Variants in ALOX5 observed in about 807,000 individuals in gnomAD.
ALOX5 encodes polyunsaturated fatty acid 5-lipoxygenase.
A neutral mutation model predicts 87.9 loss-of-function variants in ALOX5; 64 were observed. The observed-to-expected ratio is 0.73, with a 90% CI of 0.60 to 0.90. The LOEUF is 0.90. Ranked by LOEUF, ALOX5 falls within the 40% of genes least tolerant of loss-of-function variation. The pLI is 0.00. For synonymous variants in ALOX5, 388 were observed against 355.1 expected (o/e 1.09, Z -1.04); for missense variants, 822 against 907.5 (o/e 0.91, Z 1.21).
intron 2 of ALOX5, among the ~76,000 whole-genome samples, chr10:45,382,885 C>T (rs1356488076): frequency 1.3e-5 from 2 of 152,208 alleles, no homozygotes; most frequent in African/African-American, 4.8e-5. Context: ...AGCGGGTGGC[C>T]CCAGGCCTCA....
In ALOX5 at chr10:45,375,156, A is replaced by G. The variant is rs550286567; in HGVS notation, c.150+727A>G. Among the ~76,000 whole-genome samples, 5 of 152,272 alleles carry G rather than the reference A, an allele frequency of 3.3e-5. No homozygotes were observed. In the South Asian group the frequency reaches 1.0e-3, roughly 32 times the overall value. ...GGGAAGGAACAGAACCCAGGCCAGG[A>G]GAGGCTTTTCCTAAATGGAGGGGCT... On this transcript the variant is annotated intron_variant, in intron 1 of 13. Coordinates refer to ENST00000374391, the MANE Select transcript of ALOX5 (RefSeq NM_000698.5).
intron 13 of ALOX5, chr10:45,444,540 C>T (rs922543232): frequency 2.9e-5 from 13 of 452,038 alleles, no homozygotes; most frequent in Middle Eastern, 5.6e-4. Context: ...TCGTGTGTGA[C>T]GCCCCCTCCC....
At position 45,425,202 on chromosome 10, in the gene ALOX5, C is replaced by T. The variant is rs1029173192; in HGVS notation, c.834+70C>T. ...CAGGTGGAAGCCAGTTCCTCCTGGCCAGTGCTCATAGGCCACCAAGACGCT... is the reference window on the plus strand; with the variant it reads ...CAGGTGGAAGCCAGTTCCTCCTGGCTAGTGCTCATAGGCCACCAAGACGCT... On this transcript the variant is annotated intron_variant, in intron 6 of 13. Transcript: ENST00000374391. The surrounding 1 kb of genome is among the most constrained non-coding windows in gnomAD (Gnocchi z 4.4). 1 of 1,523,388 alleles carries T rather than the reference C, an allele frequency of 6.6e-7. No homozygotes were observed. Among genetic ancestry groups the T allele is most frequent in the Non-Finnish European group, 8.9e-7 (1 of 1,129,690 alleles). 94.4% of individuals were successfully genotyped at this position (1,523,388 alleles called of 1,614,324 possible). A position where few individuals can be genotyped will look rare whatever the true frequency, so the allele number is the denominator to read the frequency against.
chr10:45,375,859 G>A (rs1339681604), intron 1 of ALOX5, among the ~76,000 whole-genome samples: 2 of 152,194 alleles, frequency 1.3e-5, no homozygotes, highest in Non-Finnish European at 2.9e-5. Context: ...TGAGGACTGC[G>A]GTGCCCTGGA....
chr10:45,445,579 C>T lies in ALOX5; in HGVS notation c.1917C>T (p.Arg639=). 6.2e-7 allele frequency: 1 copy of T among 1,614,158 alleles called. No individual in the cohort carries two copies. The highest frequency in any genetic ancestry group is 8.5e-7 in the Non-Finnish European group (1 of 1,180,026). Residue 639 remains arginine (R), a synonymous_variant, in exon 14 of 14, where the codon CGC becomes CGT. Transcript: ENST00000374391. Reference sequence around the variant, plus strand: ...TGAAGGAAGCCATGGCCCGATTCCGCAAGAACCTCGAGGCCATTGTCAGCG... The same window carrying T: ...TGAAGGAAGCCATGGCCCGATTCCGTAAGAACCTCGAGGCCATTGTCAGCG... ...KPVKEAMARF[R]KNLEAIVSVI... is the part of the protein sequence containing the mutation.
chr10:45,428,702 G>A lies in ALOX5; in HGVS notation c.919G>A (p.Ala307Thr), dbSNP rs773509478. ...KTDPCTLQFL[A>T]APICLLYKNL... is the part of the protein sequence containing the mutation. ...AGACCCCTGCACACTCCAGTTCCTG[G>A]CCGCTCCCATCTGCTTGCTGTATAA... Residue 307 changes from alanine to threonine, a missense_variant, in exon 7 of 14, where the codon GCC (alanine) becomes ACC (threonine). Coordinates refer to ENST00000374391, the MANE Select transcript of ALOX5 (RefSeq NM_000698.5). The A allele has an allele frequency of 2.5e-6, 4 of 1,614,066 alleles. No individual in the cohort carries two copies. In the Admixed American group the frequency reaches 5.0e-5, roughly 20 times the overall value.
chr10:45,418,445 A>T (rs1841377936), intron 4 of ALOX5, among the ~76,000 whole-genome samples: 1 of 152,190 alleles, frequency 6.6e-6, no homozygotes, highest in Non-Finnish European at 1.5e-5. Flanking sequence ...CCCTAAAGAC[A>T]GCCTTTGTCT....
intron 3 of ALOX5, among the ~76,000 whole-genome samples, chr10:45,407,046 C>T (rs896902508): frequency 2.0e-5 from 3 of 152,312 alleles, no homozygotes; most frequent in Admixed American, 6.5e-5. Context: ...TTAATTTCCT[C>T]AGAAGGTCCA....
chr10:45,406,683 G>GT (rs1840898495), intron 3 of ALOX5, among the ~76,000 whole-genome samples: 1 of 152,154 alleles, frequency 6.6e-6, no homozygotes, highest in African/African-American at 2.4e-5. Context: ...TAAATTACTT[G>GT]TTTCTTACAT....
intron 3 of ALOX5, among the ~76,000 whole-genome samples, chr10:45,400,122 A>G (rs917634043): frequency 1.3e-5 from 2 of 152,224 alleles, no homozygotes; most frequent in Admixed American, 6.5e-5. Context: ...TGACCCAGCA[A>G]TTCTACTCCT....
intron 1 of ALOX5, among the ~76,000 whole-genome samples, chr10:45,376,497 A>G (rs1588973154): frequency 1.3e-5 from 2 of 152,210 alleles, no homozygotes; most frequent in Non-Finnish European, 2.9e-5. Context: ...CCAGCTTGGT[A>G]TCTGTAAAGA....
Position 45,374,239 on chromosome 10 carries a change from C to T in ALOX5, c.-41C>T, listed in dbSNP as rs572817083. ...CTAGATGCGGACACCTGGACCGCCG[C>T]GCCGAGGCTCCCGGCGCTCGCTGCT... On this transcript the variant is annotated 5_prime_UTR_variant, in exon 1 of 14. Coordinates refer to ENST00000374391, the MANE Select transcript of ALOX5 (RefSeq NM_000698.5). 2.8e-6 allele frequency: 4 copies of T among 1,446,014 alleles called. No homozygotes were observed. In the South Asian group the frequency reaches 5.5e-5, roughly 20 times the overall value. 89.6% of individuals were successfully genotyped at this position (1,446,014 alleles called of 1,614,324 possible). A position where few individuals can be genotyped will look rare whatever the true frequency, so the allele number is the denominator to read the frequency against.
At chr10:45,381,889 A>C (rs889345111) in intron 1 of ALOX5, among the ~76,000 whole-genome samples, 1 of 152,252 alleles carries the variant, frequency 6.6e-6, no homozygotes, top group Non-Finnish European at 1.5e-5. Context: ...TAAGGTGTTC[A>C]TGAAGAATCT....
chr10:45,419,512 C>A (rs992258808), intron 4 of ALOX5, among the ~76,000 whole-genome samples: 5 of 152,230 alleles, frequency 3.3e-5, no homozygotes, highest in African/African-American at 1.2e-4. Context: ...GGCCCTCCCC[C>A]AGCCCCGCAG....
At chr10:45,444,331 T>C (rs1238259078) in intron 13 of ALOX5, 45 bp downstream of exon 13, 2 of 1,513,160 alleles carry the variant, frequency 1.3e-6, no homozygotes, top group South Asian at 2.5e-5. Flanking sequence ...CACCCCAGGT[T>C]AAGCGGTTCC....
intron 3 of ALOX5, among the ~76,000 whole-genome samples, chr10:45,399,089 T>C (rs1363805149): frequency 1.3e-5 from 2 of 152,214 alleles, no homozygotes; most frequent in African/African-American, 2.4e-5. Flanking sequence ...GGATAAAATA[T>C]AGTATATCTA....
At position 45,428,816 on chromosome 10, in the gene ALOX5, AG is replaced by A. The variant is rs368177440; in HGVS notation, c.981+55del. The A allele has an allele frequency of 3.6e-5, 57 of 1,603,252 alleles. No homozygotes were observed. In the African/African-American group the frequency reaches 7.2e-4, roughly 20 times the overall value. On this transcript the variant is annotated intron_variant, in intron 7 of 13. Transcript: ENST00000374391. ...TGAGCAGCTCAGTCCTCTGCGATCC[AG>A]GGCTCCTGGGTGGCTCCATTCACAC...
intron 7 of ALOX5, among the ~76,000 whole-genome samples, chr10:45,432,956 C>T (rs929236250): frequency 5.9e-5 from 9 of 152,064 alleles, no homozygotes; most frequent in Non-Finnish European, 8.8e-5. Flanking sequence ...TTTACATTGA[C>T]GGGAAAATAC....
At position 45,425,491 on chromosome 10, in the gene ALOX5, C is replaced by G. The variant is rs1369708900; in HGVS notation, c.834+359C>G. On this transcript the variant is annotated intron_variant, in intron 6 of 13. Coordinates refer to ENST00000374391, the MANE Select transcript of ALOX5 (RefSeq NM_000698.5). The surrounding 1 kb of genome is among the most constrained non-coding windows in gnomAD (Gnocchi z 4.4). ...CTTTACACACAAGGTCATCAGTTGT[C>G]ACCCACCTTGCAAAGGGGAGAACAC... 6.6e-6 allele frequency among the ~76,000 whole-genome samples: 1 copy of G among 152,210 alleles called. No individual in the cohort carries two copies.
Sources: allele counts gnomAD v4.1 joint callset (sites outside exome capture counted in the v4.1 genomes callset), GRCh38; gene constraint gnomAD v4.1.1; non-coding constraint Gnocchi (gnomAD v3.1); transcripts MANE v1.5; gene names NCBI Gene and HGNC (gene_info 2026-07-23, HGNC 2026-07-21).